The following PCDHGA8 variants were observed in gnomAD, a reference collection of about 807,000 sequenced individuals.
The protein encoded by PCDHGA8 is protocadherin gamma-A8.
PCDHGA8 carries 45 observed loss-of-function variants against 59.2 expected under a neutral mutation model. That is an observed-to-expected ratio of 0.76 (90% CI 0.60 to 0.98). The LOEUF (loss-of-function observed/expected upper bound fraction) is 0.98, where lower values mean the gene tolerates loss of function less well. Among genes scored for constraint, PCDHGA8 ranks in the 50% least tolerant of loss-of-function variants. PCDHGA8 has a pLI of 0.00. For synonymous variants in PCDHGA8, 531 were observed against 519.0 expected (o/e 1.02, Z -0.32); for missense variants, 1,257 against 1,196.2 (o/e 1.05, Z -0.75).
chr5:141,478,293 T>C (rs2099444312), intron 1 of PCDHGA8: 2 of 1,614,026 alleles, frequency 1.2e-6, no homozygotes. Context: ...TCTAGAGACC[T>C]ATACCGAGCC....
chr5:141,430,234 A>G (rs2097268213), intron 1 of PCDHGA8, among the ~76,000 whole-genome samples: 1 of 130,034 alleles, frequency 7.7e-6, no homozygotes, highest in South Asian at 2.4e-4. Flanking sequence ...TGTCAAAAAG[A>G]GAAACTCCTA....
chr5:141,474,516 T>G (rs999585038), intron 1 of PCDHGA8, among the ~76,000 whole-genome samples: 1 of 152,240 alleles, frequency 6.6e-6, no homozygotes, highest in Non-Finnish European at 1.5e-5. Context: ...GCCCTCTTGC[T>G]GGTCTGGCTA....
chr5:141,417,524 T>C (rs2096128269), intron 1 of PCDHGA8: 1 of 271,098 alleles, frequency 3.7e-6, no homozygotes, highest in African/African-American at 2.2e-5. Flanking sequence ...GGCTGTCAAC[T>C]CGTAGTTTAA....
chr5:141,396,326 A>T (rs1198474229), intron 1 of PCDHGA8: 3 of 152,326 alleles, frequency 2.0e-5, no homozygotes, highest in Admixed American at 1.3e-4. Context: ...TCTCTAAAAA[A>T]ACTATTATTA....
rs1281337319 is a variant in PCDHGA8, at chr5:141,393,186, G to A, written c.373G>A (p.Asp125Asn). Reference protein sequence around the residue: ...KLFGVEIEIIDINDNNPKFQV... With the variant: ...KLFGVEIEIININDNNPKFQV... ...CTTTGGGGTAGAAATAGAAATAATT[G>A]ATATTAACGATAATAACCCAAAATT... The change falls in exon 1 of 4, where the codon GAT becomes AAT. Residue 125 changes from aspartate to asparagine, a missense_variant. Physicochemically the swap from Asp to Asn is conservative, Grantham distance 23. Transcript: ENST00000398604. 1.2e-6 allele frequency: 2 copies of A among 1,613,188 alleles called. No homozygotes were observed. The highest frequency in any genetic ancestry group is 3.3e-5 in the Admixed American group (2 of 59,998).
chr5:141,456,550 C>T (rs1017343381), intron 1 of PCDHGA8, among the ~76,000 whole-genome samples: 2 of 152,166 alleles, frequency 1.3e-5, no homozygotes, highest in African/African-American at 4.8e-5. Context: ...TGTAGCCACT[C>T]GGGGCTGAAG....
At chr5:141,497,143 GA>G (rs928640875) in intron 2 of PCDHGA8, among the ~76,000 whole-genome samples, 7 of 149,992 alleles carry the variant, frequency 4.7e-5, no homozygotes, top group African/African-American at 9.8e-5. Context: ...CTGAGATCAC[GA>G]AAAAAAAATA....
intron 1 of PCDHGA8, chr5:141,418,394 T>C: frequency 6.2e-7 from 1 of 1,614,020 alleles, no homozygotes; most frequent in Non-Finnish European, 8.5e-7. Flanking sequence ...CGAGTATTTC[T>C]CATTGGTGGA....
intron 1 of PCDHGA8, among the ~76,000 whole-genome samples, chr5:141,463,418 C>T (rs1442067485): frequency 3.6e-5 from 5 of 138,240 alleles, no homozygotes; most frequent in Admixed American, 2.9e-4. Flanking sequence ...TCCTAGTTTG[C>T]GGATCCTCAT....
At chr5:141,414,472 A>C (rs1039987036) in intron 1 of PCDHGA8, 5 of 1,613,796 alleles carry the variant, frequency 3.1e-6, no homozygotes, top group African/African-American at 1.3e-5. Flanking sequence ...AGATGGGGGA[A>C]GTCCTCCTCT....
chr5:141,413,019 C>A (rs1056458163), intron 1 of PCDHGA8: 24 of 683,104 alleles, frequency 3.5e-5, no homozygotes, highest in Non-Finnish European at 5.2e-5. Flanking sequence ...ACTACACAAG[C>A]CCCACAAACC....
chr5:141,438,807 G>A (rs956766683), intron 1 of PCDHGA8, among the ~76,000 whole-genome samples: 13 of 149,270 alleles, frequency 8.7e-5, no homozygotes, highest in African/African-American at 1.7e-4. Context: ...GATTACAGGC[G>A]CCTGTCACCA....
intron 2 of PCDHGA8, among the ~76,000 whole-genome samples, chr5:141,502,866 C>CTTTTTCTT (rs2099816520): frequency 1.6e-5 from 2 of 128,030 alleles, no homozygotes; most frequent in African/African-American, 6.2e-5. Flanking sequence ...GACTCTCTGT[C>CTTTTTCTT]TTTTTTTTTT....
intron 1 of PCDHGA8, among the ~76,000 whole-genome samples, chr5:141,473,583 A>G (rs905824343): frequency 6.6e-6 from 1 of 152,226 alleles, no homozygotes; most frequent in Non-Finnish European, 1.5e-5. Flanking sequence ...CTAAGACCAG[A>G]CAGACCTGTA....
intron 1 of PCDHGA8, chr5:141,423,623 C>T (rs1391650851): frequency 6.2e-7 from 1 of 1,607,330 alleles, no homozygotes; most frequent in South Asian, 1.1e-5. Context: ...GAAGACTCAG[C>T]TATCATTTTA....
intron 1 of PCDHGA8, among the ~76,000 whole-genome samples, chr5:141,450,047 C>T (rs2098667027): frequency 2.2e-5 from 3 of 136,836 alleles, no homozygotes; most frequent in African/African-American, 8.5e-5. Flanking sequence ...CACTCTTTCG[C>T]CCAGGCTGGA....
chr5:141,438,576 A>C (rs1016175176), intron 1 of PCDHGA8, among the ~76,000 whole-genome samples: 4 of 55,572 alleles, frequency 7.2e-5, no homozygotes, highest in Non-Finnish European at 1.2e-4. Context: ...TCTGATATAC[A>C]TACATACATA....
intron 1 of PCDHGA8, among the ~76,000 whole-genome samples, chr5:141,473,343 T>C (rs1309426537): frequency 6.6e-6 from 1 of 152,218 alleles, no homozygotes; most frequent in Non-Finnish European, 1.5e-5. Flanking sequence ...TGCTAGACAG[T>C]GAGGATGCAA....
intron 1 of PCDHGA8, among the ~76,000 whole-genome samples, chr5:141,492,922 T>C (rs1191111432): frequency 1.3e-5 from 2 of 152,194 alleles, no homozygotes; most frequent in Non-Finnish European, 2.9e-5. Context: ...TGCCCAGCGA[T>C]CTAGGGTCAG....
Sources: gnomAD v4.1 joint callset for allele counts (sites outside exome capture counted in the v4.1 genomes callset) on GRCh38, gnomAD v4.1.1 for gene constraint, MANE v1.5 for transcripts, NCBI Gene and HGNC (gene_info 2026-07-23, HGNC 2026-07-21) for gene names.